The following MGST1 variants were observed in gnomAD, a reference collection of about 807,000 sequenced individuals.
MGST1 encodes the protein microsomal glutathione S-transferase 1.
In MGST1, 5 loss-of-function variants were observed where a neutral mutation model predicts 8.9. The ratio of observed to expected loss-of-function variants is 0.56; its 90% CI spans 0.29 to 1.19. The LOEUF is 1.19. Ranked by LOEUF, MGST1 falls within the 50% of genes most tolerant of loss-of-function variation. The probability of loss-of-function intolerance (pLI) is 0.08; values close to 1 mark genes in which losing one functional copy is unlikely to be tolerated. For synonymous variants in MGST1, 54 were observed against 67.8 expected, an observed-to-expected ratio of 0.80 and a Z score of 1.00; for missense variants, 182 against 187.4, an observed-to-expected ratio of 0.97 and a Z score of 0.17.
intron 4 of MGST1, among the ~76,000 whole-genome samples, chr12:16,541,120 C>A (rs544187572): frequency 4.4e-4 from 67 of 152,202 alleles, no homozygotes; most frequent in Middle Eastern, 6.8e-3. Context: ...TCTAAAATCA[C>A]AATACTTTCA....
Position 16,427,307 on chromosome 12 carries a change from G to A in MGST1, n.779-10081G>A, listed in dbSNP as rs1353958493. Among the ~76,000 whole-genome samples the A allele has an allele frequency of 3.3e-5, 5 of 152,234 alleles. No homozygotes were observed. The East Asian group carries it at 9.6e-4, about 29-fold the overall frequency. Reference sequence around the variant, plus strand: ...AGGGGATGAAGGGCAGAGGGAAAGAGATGAAAAAACCTGTCTCTGACCTGA... The same window carrying A: ...AGGGGATGAAGGGCAGAGGGAAAGAAATGAAAAAACCTGTCTCTGACCTGA... On this transcript the variant is annotated intron_variant and non_coding_transcript_variant, in intron 1 of 1. Transcript: ENST00000359720.
chr12:16,395,871 G>T lies in MGST1; in HGVS notation n.778+12267G>T, dbSNP rs548314511. Among the ~76,000 whole-genome samples the T allele has an allele frequency of 2.2e-3, 322 of 149,592 alleles. 4 individuals carry two copies. Among genetic ancestry groups the T allele is most frequent in the African/African-American group, 7.5e-3 (304 of 40,556 alleles). On this transcript the variant is annotated intron_variant and non_coding_transcript_variant, in intron 1 of 1. Transcript: ENST00000359720. The stretch of plus-strand genomic sequence containing the variant: ...CAGTAATTGATGAGCATCTGGGCTG[G>T]TTACATATTTTTGGACTTGAGAATT...
Position 16,469,190 on chromosome 12 carries a change from T to C in MGST1, n.482+85586T>C, listed in dbSNP as rs983493201. Among the ~76,000 whole-genome samples the C allele has an allele frequency of 2.8e-5, 4 of 145,336 alleles. No individual in the cohort carries two copies. In the Admixed American group the frequency reaches 2.8e-4, roughly 10 times the overall value. On this transcript the variant is annotated intron_variant and non_coding_transcript_variant, in intron 4 of 4. Transcript: ENST00000538857. ...TAATGCTCTATTCCTTTTTTTTTTT[T>C]TTTTTTTTTTGGAGACAGAGCCTCA... is the stretch of plus-strand genomic sequence containing the variant.
At chr12:16,573,254 A>C (rs1942881430) in intron 4 of MGST1, among the ~76,000 whole-genome samples, 1 of 152,188 alleles carries the variant, frequency 6.6e-6, no homozygotes, top group South Asian at 2.1e-4. Flanking sequence ...AATATTGAAT[A>C]AGGCAGGTCC....
At chr12:16,449,043 G>C (rs1194667530) in intron 4 of MGST1, among the ~76,000 whole-genome samples, 1 of 151,972 alleles carries the variant, frequency 6.6e-6, no homozygotes, top group Non-Finnish European at 1.5e-5. Context: ...ATGCTATGCA[G>C]TCTTACGTTG....
At position 16,576,202 on chromosome 12, in the gene MGST1, A is replaced by G. The variant is rs1942991776; in HGVS notation, n.483-13326A>G. Reference sequence around the variant, plus strand: ...GTAGCCTTTCTATAACACAGCTCCAACCCATTGATCCTGCTTATAACCTTC... The same window carrying G: ...GTAGCCTTTCTATAACACAGCTCCAGCCCATTGATCCTGCTTATAACCTTC... On this transcript the variant is annotated intron_variant and non_coding_transcript_variant, in intron 4 of 4. Coordinates refer to the MGST1 transcript ENST00000538857. This position sits in a 1 kb window ranked among gnomAD's most constrained non-coding sequence, Gnocchi z 4.1. Among the ~76,000 whole-genome samples, 1 of 152,070 alleles carries G rather than the reference A, an allele frequency of 6.6e-6. No homozygotes were observed. The highest frequency in any genetic ancestry group is 1.5e-5 in the Non-Finnish European group (1 of 68,012).
intron 1 of MGST1, among the ~76,000 whole-genome samples, chr12:16,396,592 A>G (rs1051656318): frequency 1.3e-5 from 2 of 152,194 alleles, no homozygotes; most frequent in African/African-American, 4.8e-5. Flanking sequence ...GCAAAGTTTC[A>G]GGACACAAAA....
Position 16,517,459 on chromosome 12 carries a change from C to T in MGST1, n.483-72069C>T, listed in dbSNP as rs1433655600. Among the ~76,000 whole-genome samples the T allele has an allele frequency of 6.6e-6, 1 of 152,118 alleles. No individual in the cohort carries two copies. The highest frequency in any genetic ancestry group is 1.5e-5 in the Non-Finnish European group (1 of 68,028). On this transcript the variant is annotated intron_variant and non_coding_transcript_variant, in intron 4 of 4. Coordinates refer to the MGST1 transcript ENST00000538857. This position sits in a 1 kb window ranked among gnomAD's most constrained non-coding sequence, Gnocchi z 4.2. The stretch of plus-strand genomic sequence containing the variant: ...TTCTGACACAGCAAGAAGGCCTGTA[C>T]TAGATGAGGATCCTTGATCTTGGAC...
chr12:16,506,366 T>C (rs903395616), intron 4 of MGST1, among the ~76,000 whole-genome samples: 7 of 152,100 alleles, frequency 4.6e-5, no homozygotes, highest in East Asian at 1.9e-4. Context: ...TGCCATCTAC[T>C]CTGGAAGGAG....
chr12:16,478,112 C>T (rs1941335693), intron 4 of MGST1, among the ~76,000 whole-genome samples: 1 of 152,214 alleles, frequency 6.6e-6, no homozygotes, highest in Admixed American at 6.5e-5. Context: ...TCACTGCAAC[C>T]TCTGCCTCTT....
chr12:16,399,143 G>A, intron 1 of MGST1: 3 of 863,900 alleles, frequency 3.5e-6, no homozygotes, highest in East Asian at 4.9e-5. Context: ...CACATAAATG[G>A]CCCCCGAAAC....
chr12:16,406,169 A>G (rs1327957311), intron 1 of MGST1, among the ~76,000 whole-genome samples: 1 of 152,178 alleles, frequency 6.6e-6, no homozygotes, highest in Non-Finnish European at 1.5e-5. Context: ...AAAACCCCAC[A>G]GTCTCAGCCC....
At chr12:16,485,418 G>A (rs1021767264) in intron 4 of MGST1, among the ~76,000 whole-genome samples, 29 of 152,104 alleles carry the variant, frequency 1.9e-4, no homozygotes, top group African/African-American at 4.6e-4. Context: ...GAACTCACCC[G>A]TTACACATGG....
rs143913369 is a variant in MGST1 at position 16,415,247 on chromosome 12, A to G, written n.779-22141A>G. Among the ~76,000 whole-genome samples the G allele has an allele frequency of 4.2e-3, 636 of 152,308 alleles. 7 individuals are homozygous for G. The highest frequency in any genetic ancestry group is 0.032 in the East Asian group (164 of 5,180). ...AAATACAAGAACTTTGCTCAGTAAC[A>G]TTAGCAGTTTACATTGTTTATTTCA... On this transcript the variant is annotated intron_variant and non_coding_transcript_variant, in intron 1 of 1. Transcript: ENST00000359720.
At chr12:16,351,457 CT>C (rs1939460640) in intron 1 of MGST1, among the ~76,000 whole-genome samples, 2 of 152,010 alleles carry the variant, frequency 1.3e-5, no homozygotes, top group African/African-American at 4.8e-5. Flanking sequence ...TTTTAAAAAC[CT>C]TGCGCATGTA....
chr12:16,414,115 T>C (rs1306825333), intron 1 of MGST1, among the ~76,000 whole-genome samples: 2 of 151,780 alleles, frequency 1.3e-5, no homozygotes, highest in African/African-American at 2.4e-5. Context: ...AGAGAGGTAA[T>C]ATTGGTGCTC....
At chr12:16,349,593 A>G (rs1232228383) in intron 1 of MGST1, among the ~76,000 whole-genome samples, 1 of 152,120 alleles carries the variant, frequency 6.6e-6, no homozygotes, top group Non-Finnish European at 1.5e-5. Flanking sequence ...AAAAAATATT[A>G]TTTGCTCTAC....
At chr12:16,509,979 C>T (rs1412134984) in intron 4 of MGST1, among the ~76,000 whole-genome samples, 10 of 152,084 alleles carry the variant, frequency 6.6e-5, no homozygotes, top group Non-Finnish European at 1.5e-4. Context: ...CTCAACTATA[C>T]CAGATGAAAT....
At position 16,472,433 on chromosome 12, in the gene MGST1, G is replaced by GTT. The variant is rs766108157; in HGVS notation, n.482+88845_482+88846dup. 7.8e-4 allele frequency among the ~76,000 whole-genome samples: 101 copies of GTT among 129,716 alleles called. 1 individual carries two copies. The highest frequency in any genetic ancestry group is 2.0e-3 in the African/African-American group (74 of 36,164). 85.1% of individuals were successfully genotyped at this position (129,716 alleles called of 152,430 possible). On this transcript the variant is annotated intron_variant and non_coding_transcript_variant, in intron 4 of 4. Transcript: ENST00000538857. Reference sequence around the variant, plus strand: ...CTCAGTTGAGTAGGGCCTTCCTTCTGTTTTTTTTTTTTTTTTTAAAGTCCT... The same window carrying GTT: ...CTCAGTTGAGTAGGGCCTTCCTTCTGTTTTTTTTTTTTTTTTTTTAAAGTCCT...
Sources: gnomAD v4.1 joint callset for allele counts (sites outside exome capture counted in the v4.1 genomes callset) on GRCh38, gnomAD v4.1.1 for gene constraint, Gnocchi (gnomAD v3.1) non-coding constraint, MANE v1.5 for transcripts, NCBI Gene and HGNC (gene_info 2026-07-23, HGNC 2026-07-21) for gene names.